DNAH6: variants seen among roughly 807,000 people sequenced by gnomAD.
DNAH6 encodes dynein axonemal heavy chain 6.
Under a neutral mutation model 491.4 loss-of-function variants are expected in DNAH6, and 340 were observed. The ratio of observed to expected loss-of-function variants is 0.69; its 90% CI spans 0.63 to 0.76. The LOEUF is 0.76. DNAH6 is among the 30% of genes least tolerant of loss of function. DNAH6 has a pLI of 0.00. For missense variants in DNAH6, 4,443 were observed against 4,972.2 expected (o/e 0.89, Z 3.20); for synonymous variants, 1,603 against 1,686.1 (o/e 0.95, Z 1.21).
chr2:84,464,267 G>A, the DNAH6 span, among the ~76,000 whole-genome samples: 1 of 152,074 alleles, frequency 6.6e-6, no homozygotes, highest in Non-Finnish European at 1.5e-5. Context: ...AGCCTCCGTG[G>A]GCTACAAGAA....
chr2:84,733,454 C>G lies in DNAH6; in HGVS notation c.10217C>G (p.Pro3406Arg), dbSNP rs1405880019. ...TCTGTCTTCAAACAGGAACGCCCAC[C>G]TAAGCCTGAAGCTCCCTGGCTACCT... The part of the protein sequence containing the change: ...GSAGLEKERP[P>R]KPEAPWLPTA... The change falls in exon 62 of 77, where the codon CCT (proline) becomes CGT (arginine). Residue 3406 changes from proline to arginine, a missense_variant. Transcript: ENST00000389394. The G allele has an allele frequency of 6.4e-7, 1 of 1,550,988 alleles. No individual in the cohort carries two copies. Among genetic ancestry groups the G allele is most frequent in the East Asian group, 2.4e-5 (1 of 40,916 alleles).
upstream of DNAH6, among the ~76,000 whole-genome samples, chr2:84,513,480 C>T (rs1348811006): frequency 6.6e-6 from 1 of 152,054 alleles, no homozygotes; most frequent in African/African-American, 2.4e-5. Flanking sequence ...CTTACTCTAC[C>T]ATTTTTGCTA....
chr2:84,571,867 G>A (rs1681927254), intron 11 of DNAH6, among the ~76,000 whole-genome samples: 2 of 152,030 alleles, frequency 1.3e-5, no homozygotes, highest in Non-Finnish European at 2.9e-5. Context: ...GCAGCAAGCC[G>A]AGATGGCACC....
chr2:84,679,427 A>C (rs150525930), intron 41 of DNAH6, among the ~76,000 whole-genome samples: 80 of 152,328 alleles, frequency 5.3e-4, no homozygotes, highest in Middle Eastern at 3.4e-3. Context: ...ATCACTATAC[A>C]TTCTAAGGGT....
intron 67 of DNAH6, among the ~76,000 whole-genome samples, chr2:84,786,233 C>G (rs1677171874): frequency 1.3e-5 from 2 of 151,972 alleles, no homozygotes; most frequent in Non-Finnish European, 2.9e-5. Context: ...CAAGACCAGT[C>G]TGGGCAACAC....
intron 37 of DNAH6, among the ~76,000 whole-genome samples, chr2:84,666,481 A>T (rs1264676372): frequency 6.6e-6 from 1 of 152,188 alleles, no homozygotes; most frequent in African/African-American, 2.4e-5. Context: ...GAGCCAAATC[A>T]TGCGTGAGCT....
chr2:84,787,392 C>T (rs1050945947), intron 68 of DNAH6, 90 bp downstream of exon 68: 4 of 991,604 alleles, frequency 4.0e-6, no homozygotes, highest in Non-Finnish European at 5.9e-6. Flanking sequence ...ATGGTGTCCT[C>T]CCCCAGTGTT....
intron 71 of DNAH6, among the ~76,000 whole-genome samples, chr2:84,807,842 G>C (rs11679655): frequency 0.024 from 3,691 of 152,226 alleles, 75 homozygotes; most frequent in South Asian, 0.061. Context: ...GAGCCATGCT[G>C]ACCTTCCATT....
intron 68 of DNAH6, among the ~76,000 whole-genome samples, chr2:84,793,446 G>A (rs549200544): frequency 6.6e-6 from 1 of 152,128 alleles, no homozygotes; most frequent in Non-Finnish European, 1.5e-5. Context: ...TCAAAATGCA[G>A]ATATTTTAGT....
At chr2:84,587,405 G>A (rs1382685788) in intron 15 of DNAH6, among the ~76,000 whole-genome samples, 1 of 152,166 alleles carries the variant, frequency 6.6e-6, no homozygotes, top group East Asian at 1.9e-4. Context: ...GGATAGTGCT[G>A]CAATGAATAT....
intron 69 of DNAH6, 43 bp from the exon 70 acceptor site, chr2:84,797,494 A>G: frequency 6.5e-7 from 1 of 1,531,954 alleles, no homozygotes. Context: ...GTACAAAGCC[A>G]GTCTATTTGA....
intron 22 of DNAH6, among the ~76,000 whole-genome samples, chr2:84,614,722 T>A (rs935975043): frequency 6.6e-6 from 1 of 152,044 alleles, no homozygotes; most frequent in Admixed American, 6.6e-5. Flanking sequence ...TAGCCATTCT[T>A]GCAGGGGTAG....
intron 16 of DNAH6, among the ~76,000 whole-genome samples, chr2:84,591,381 AAAT>A (rs199684247): frequency 0.015 from 2,220 of 152,258 alleles, 28 homozygotes; most frequent in East Asian, 0.053. Flanking sequence ...ACAGAATCAA[AAAT>A]AATAATAATA....
intron 35 of DNAH6, among the ~76,000 whole-genome samples, chr2:84,656,610 T>A (rs1690995671): frequency 6.6e-6 from 1 of 152,090 alleles, no homozygotes; most frequent in Non-Finnish European, 1.5e-5. Context: ...AAGGAAGGTC[T>A]TTGGCCCATT....
At chr2:84,567,219 A>G (rs1681293635) in intron 11 of DNAH6, among the ~76,000 whole-genome samples, 1 of 152,158 alleles carries the variant, frequency 6.6e-6, no homozygotes, top group South Asian at 2.1e-4. Context: ...GAGGGCTAAT[A>G]TTTCCAATAC....
intron 4 of DNAH6, among the ~76,000 whole-genome samples, chr2:84,537,835 A>C (rs1677841178): frequency 6.6e-6 from 1 of 152,044 alleles, no homozygotes; most frequent in African/African-American, 2.4e-5. Flanking sequence ...TGGCCATTGA[A>C]ATATAAACTT....
intron 18 of DNAH6, among the ~76,000 whole-genome samples, chr2:84,603,496 C>G (rs1402991354): frequency 6.6e-6 from 1 of 152,056 alleles, no homozygotes; most frequent in Non-Finnish European, 1.5e-5. Flanking sequence ...ACTCTGTATC[C>G]CACTGCTATT....
In DNAH6 at chr2:84,812,613, A is replaced by G. The variant is rs1406962543; in HGVS notation, c.11925+87A>G. Reference sequence around the variant, plus strand: ...TAGGAAGCACTGGCTAAAGATATCCACAGTCACTGATGGATAATCTGAGCC... The same window carrying G: ...TAGGAAGCACTGGCTAAAGATATCCGCAGTCACTGATGGATAATCTGAGCC... On this transcript the variant is annotated intron_variant, in intron 73 of 76. Coordinates refer to ENST00000389394, the MANE Select transcript of DNAH6 (RefSeq NM_001370.2). The G allele has an allele frequency of 2.8e-6, 3 of 1,065,282 alleles. No individual in the cohort carries two copies. The Admixed American group carries it at 7.9e-5, about 28-fold the overall frequency. The allele number at this position is 1,065,282 out of a possible 1,614,324, so 66.0% of individuals were successfully genotyped here. A position where few individuals can be genotyped will look rare whatever the true frequency, so the allele number is the denominator to read the frequency against.
chr2:84,740,899 G>A (rs919974664), intron 62 of DNAH6, among the ~76,000 whole-genome samples: 2 of 152,160 alleles, frequency 1.3e-5, no homozygotes, highest in Admixed American at 1.3e-4. Context: ...AATTCTGCCT[G>A]TGGGGACCCT....
Sources: gnomAD v4.1 joint callset for allele counts (sites outside exome capture counted in the v4.1 genomes callset) on GRCh38, gnomAD v4.1.1 for gene constraint, MANE v1.5 for transcripts, NCBI Gene and HGNC (gene_info 2026-07-23, HGNC 2026-07-21) for gene names.